Variants in GAL3ST1 observed in about 807,000 individuals in gnomAD.
GAL3ST1 encodes the protein galactosylceramide sulfotransferase.
Under a neutral mutation model 25.0 loss-of-function variants are expected in GAL3ST1, and 13 were observed. That is an observed-to-expected ratio of 0.52 (90% CI 0.34 to 0.83). The LOEUF is 0.83. Ranked by LOEUF, GAL3ST1 falls within the 40% of genes least tolerant of loss-of-function variation. The pLI is 0.02. For synonymous variants in GAL3ST1, 274 were observed against 277.8 expected, an observed-to-expected ratio of 0.99 and a Z score of 0.14; for missense variants, 474 against 613.6, an observed-to-expected ratio of 0.77 and a Z score of 2.40.
In GAL3ST1 at chr22:30,555,726, C is replaced by T; in HGVS notation, c.499G>A (p.Ala167Thr). ...AIFITVLRDP[A>T]RLFESSFHYF... ...TGGAAGGAGGACTCGAACAAGCGGG[C>T]GGGGTCGCGGAGCACCGTGATGAAG... The change falls in exon 4 of 4, where the codon GCC (alanine) becomes ACC (threonine). Residue 167 changes from alanine to threonine, a missense_variant. Coordinates refer to ENST00000406361, the MANE Select transcript of GAL3ST1 (RefSeq NM_001318104.2). The surrounding 1 kb of genome is among the most constrained non-coding windows in gnomAD (Gnocchi z 8.6). The T allele has an allele frequency of 6.2e-7, 1 of 1,613,932 alleles. No homozygotes were observed. Among genetic ancestry groups the T allele is most frequent in the Non-Finnish European group, 8.5e-7 (1 of 1,180,014 alleles).
chr22:30,556,033 C>G lies in GAL3ST1; in HGVS notation c.192G>C (p.Arg64=). 1 of 1,612,822 alleles carries G rather than the reference C, an allele frequency of 6.2e-7. No homozygotes were observed. The highest frequency in any genetic ancestry group is 8.5e-7 in the Non-Finnish European group (1 of 1,179,930). ...GGCACTCCCCCGCCGAGCCGTTGGC[C>G]CGGATCACTGCCTCTGGCTCGAGTG... ...PPALEPEAVI[R]ANGSAGECQP... is the part of the protein sequence containing the mutation. The change falls in exon 4 of 4, where the codon CGG becomes CGC. Residue 64 remains arginine (R), a synonymous_variant. Transcript: ENST00000406361.
chr22:30,574,132 C>T (rs901212439), intron 1 of GAL3ST1, among the ~76,000 whole-genome samples: 7 of 152,148 alleles, frequency 4.6e-5, no homozygotes, highest in Admixed American at 4.6e-4. Context: ...TAATCATTAA[C>T]GCACTCCCAG....
intron 3 of GAL3ST1, among the ~76,000 whole-genome samples, 156 bp downstream of exon 3, chr22:30,557,106 C>T (rs1358576377): frequency 6.6e-6 from 1 of 152,212 alleles, no homozygotes; most frequent in Non-Finnish European, 1.5e-5. Flanking sequence ...CGAGCTCTGC[C>T]ATCAGTGGAA....
At position 30,557,382 on chromosome 22, in the gene GAL3ST1, G is replaced by A. The variant is rs199701190; in HGVS notation, c.11C>T (p.Pro4Leu). 329 of 1,614,212 alleles carry A rather than the reference G, an allele frequency of 2.0e-4. 7 individuals are homozygous for A. Among genetic ancestry groups the A allele is most frequent in the Admixed American group, 4.2e-4 (25 of 60,022 alleles). The change falls in exon 3 of 4, where the codon CCG becomes CTG. Residue 4 changes from proline (P) to leucine (L), a missense_variant. By Grantham distance (98) the Pro-to-Leu change is moderately conservative. Coordinates refer to ENST00000406361, the MANE Select transcript of GAL3ST1 (RefSeq NM_001318104.2). MLP[P>L]QKKPWESMAK... ...CATGGACTCCCAGGGCTTCTTCTGC[G>A]GTGGCAGCATCTCAGACACCTGCAG... is the stretch of plus-strand genomic sequence containing the variant.
At chr22:30,562,899 G>T (rs536272025) in intron 1 of GAL3ST1, among the ~76,000 whole-genome samples, 1 of 152,288 alleles carries the variant, frequency 6.6e-6, no homozygotes, top group East Asian at 1.9e-4. Flanking sequence ...GGCAGATCAC[G>T]AGGTCAGGAG....
chr22:30,561,729 C>T (rs975967331), intron 1 of GAL3ST1, among the ~76,000 whole-genome samples: 3 of 152,192 alleles, frequency 2.0e-5, no homozygotes, highest in African/African-American at 7.2e-5. Flanking sequence ...GGTCCCGTCT[C>T]TGTGGGCTGA....
At chr22:30,562,965 A>C (rs963714193) in intron 1 of GAL3ST1, among the ~76,000 whole-genome samples, 5 of 152,100 alleles carry the variant, frequency 3.3e-5, no homozygotes, top group African/African-American at 1.2e-4. Flanking sequence ...AGATACAAAA[A>C]ATTAGCCGGG....
Position 30,555,673 on chromosome 22 carries a change from C to T in GAL3ST1, c.552G>A (p.Thr184=), listed in dbSNP as rs778970307. Residue 184 remains threonine (T), a synonymous_variant, in exon 4 of 4, where the codon ACG becomes ACA. Coordinates refer to ENST00000406361, the MANE Select transcript of GAL3ST1 (RefSeq NM_001318104.2). The surrounding 1 kb of genome is among the most constrained non-coding windows in gnomAD (Gnocchi z 8.6). ...FHYFGPVVPL[T]WKLSAGDKLT... The stretch of plus-strand genomic sequence containing the variant: ...GCTTGTCGCCGGCCGAGAGCTTCCA[C>T]GTGAGGGGCACCACCGGCCCGAAGT... 1.2e-6 allele frequency: 2 copies of T among 1,613,730 alleles called. No homozygotes were observed. Among genetic ancestry groups the T allele is most frequent in the East Asian group, 2.2e-5 (1 of 44,864 alleles).
intron 1 of GAL3ST1, chr22:30,560,289 G>A (rs1014187316): frequency 8.6e-5 from 13 of 152,022 alleles, no homozygotes; most frequent in Non-Finnish European, 1.8e-4. Flanking sequence ...CAGGCTCTGG[G>A]ACCCTCAAGC....
chr22:30,556,266 G>A (rs1026955889), intron 3 of GAL3ST1, among the ~76,000 whole-genome samples, 173 bp from the exon 4 acceptor site: 1 of 152,144 alleles, frequency 6.6e-6, no homozygotes, highest in East Asian at 1.9e-4. Flanking sequence ...GGCCTCTCTA[G>A]CCTCATGTTC....
intron 1 of GAL3ST1, among the ~76,000 whole-genome samples, chr22:30,569,253 A>G (rs1394010742): frequency 6.6e-6 from 1 of 151,994 alleles, no homozygotes; most frequent in Non-Finnish European, 1.5e-5. Context: ...GGGATGGGGA[A>G]GGAGAGGGAG....
At chr22:30,568,682 C>A (rs553768288) in intron 1 of GAL3ST1, among the ~76,000 whole-genome samples, 5 of 152,326 alleles carry the variant, frequency 3.3e-5, no homozygotes, top group African/African-American at 1.2e-4. Context: ...GAGAAACAAA[C>A]TTTCCACCTG....
chr22:30,555,477 G>C lies in GAL3ST1; in HGVS notation c.748C>G (p.Leu250Val). The C allele has an allele frequency of 6.2e-7, 1 of 1,613,592 alleles. No homozygotes were observed. The highest frequency in any genetic ancestry group is 8.5e-7 in the Non-Finnish European group (1 of 1,180,018). Reference protein sequence around the residue: ...LEVERRFHLVLLQEYFDESLV... With the variant: ...LEVERRFHLVVLQEYFDESLV... Reference sequence around the variant, plus strand: ...GACTCGTCGAAGTACTCTTGAAGGAGCACCAGGTGGAAGCGACGCTCCACC... The same window carrying C: ...GACTCGTCGAAGTACTCTTGAAGGACCACCAGGTGGAAGCGACGCTCCACC... The change falls in exon 4 of 4, where the codon CTC becomes GTC. Residue 250 changes from leucine to valine, a missense_variant. By Grantham distance (32) the Leu-to-Val change is conservative. This residue lies in a region of GAL3ST1 where 359 missense variants were observed against 504.4 expected (regional missense o/e 0.71). Transcript: ENST00000406361. This position sits in a 1 kb window ranked among gnomAD's most constrained non-coding sequence, Gnocchi z 8.6.
In GAL3ST1 at chr22:30,558,030, C is replaced by T. The variant is rs1030957244; in HGVS notation, c.-10+249G>A. ...CTCGAACTCCTGGGCTCAAGCAATCCGCCCGCCTTGGCCTCCCAAATTGCT... is the reference window on the plus strand; with the variant it reads ...CTCGAACTCCTGGGCTCAAGCAATCTGCCCGCCTTGGCCTCCCAAATTGCT... On this transcript the variant is annotated intron_variant, in intron 2 of 3. Coordinates refer to ENST00000406361, the MANE Select transcript of GAL3ST1 (RefSeq NM_001318104.2). 6.6e-5 allele frequency among the ~76,000 whole-genome samples: 10 copies of T among 151,826 alleles called. No homozygotes were observed. The East Asian group carries it at 1.2e-3, about 18-fold the overall frequency.
At chr22:30,557,436 G>C in intron 2 of GAL3ST1, 35 bp from the exon 3 acceptor site, 1 of 1,611,574 alleles carries the variant, frequency 6.2e-7, no homozygotes. Context: ...CAAGTGTCAG[G>C]AAGCTGGCCC....
chr22:30,560,435 C>G (rs1408258514), intron 1 of GAL3ST1: 2 of 152,148 alleles, frequency 1.3e-5, no homozygotes, highest in African/African-American at 4.8e-5. Context: ...AAGCAACCAG[C>G]ACATAGTCAT....
chr22:30,559,264 C>T (rs960173084), intron 1 of GAL3ST1, among the ~76,000 whole-genome samples: 9 of 152,072 alleles, frequency 5.9e-5, no homozygotes, highest in South Asian at 2.1e-4. Flanking sequence ...TTTTTTGAGA[C>T]GGAGTCTCGC....
At position 30,556,175 on chromosome 22, in the gene GAL3ST1, T is replaced by C. The variant is rs2086015603; in HGVS notation, c.132-82A>G. 3.5e-6 allele frequency: 4 copies of C among 1,141,262 alleles called. No homozygotes were observed. The South Asian group carries it at 5.8e-5, about 17-fold the overall frequency. The allele number at this position is 1,141,262 out of a possible 1,614,324, so 70.7% of individuals were successfully genotyped here. A position where few individuals can be genotyped will look rare whatever the true frequency, so the allele number is the denominator to read the frequency against. On this transcript the variant is annotated intron_variant, in intron 3 of 3. Transcript: ENST00000406361. The stretch of plus-strand genomic sequence containing the variant: ...TCTGGTAGTTAGAGAGGGAGATTAT[T>C]GGGAACAGTGGTGGCAAAGGAGCTG...
chr22:30,568,247 GCTGTTGTGTGGT>G (rs1287076913), intron 1 of GAL3ST1, among the ~76,000 whole-genome samples: 1 of 152,224 alleles, frequency 6.6e-6, no homozygotes, highest in Non-Finnish European at 1.5e-5. Flanking sequence ...GGTGGCAGAA[GCTGTTGTGTGGT>G]CTCCAATTTC....
Sources: allele counts gnomAD v4.1 joint callset (sites outside exome capture counted in the v4.1 genomes callset), GRCh38; gene constraint gnomAD v4.1.1; regional missense constraint gnomAD v4.1.1; non-coding constraint Gnocchi (gnomAD v3.1); transcripts MANE v1.5; gene names NCBI Gene and HGNC (gene_info 2026-07-23, HGNC 2026-07-21).